The following STAU2 variants were observed in gnomAD, a reference collection of about 807,000 sequenced individuals.
STAU2 encodes double-stranded RNA-binding protein Staufen homolog 2.
Under a neutral mutation model 65.9 loss-of-function variants are expected in STAU2, and 20 were observed. The ratio of observed to expected loss-of-function variants is 0.30; its 90% CI spans 0.21 to 0.44. The LOEUF (loss-of-function observed/expected upper bound fraction) is 0.44, where lower values mean the gene tolerates loss of function less well. Ranked by LOEUF, STAU2 falls within the 20% of genes least tolerant of loss-of-function variation. The pLI, the probability that STAU2 is intolerant of heterozygous loss-of-function variation, is 1.00. For missense variants in STAU2, 558 were observed against 683.9 expected (o/e 0.82, Z 2.05); for synonymous variants, 232 against 233.9 (o/e 0.99, Z 0.07).
At chr8:73,592,373 T>C (rs1330281855) in intron 11 of STAU2, among the ~76,000 whole-genome samples, 1 of 152,140 alleles carries the variant, frequency 6.6e-6, no homozygotes, top group South Asian at 2.1e-4. Context: ...AATTTTATAC[T>C]AGTAAATTCA....
At chr8:73,523,642 T>C (rs1208238154) in intron 13 of STAU2, among the ~76,000 whole-genome samples, 2 of 152,150 alleles carry the variant, frequency 1.3e-5, no homozygotes, top group African/African-American at 4.8e-5. Flanking sequence ...CCTATAGTTT[T>C]GATTTTTCCA....
intron 12 of STAU2, among the ~76,000 whole-genome samples, chr8:73,576,521 C>T (rs1809568820): frequency 6.6e-6 from 1 of 151,930 alleles, no homozygotes; most frequent in Non-Finnish European, 1.5e-5. Context: ...GTGGCTACTT[C>T]TGCTGGGGGA....
At chr8:73,481,516 C>CAAAAAAAAAAAAAAAAAAAAA (rs33917654) in intron 13 of STAU2, among the ~76,000 whole-genome samples, 1 of 137,592 alleles carries the variant, frequency 7.3e-6, no homozygotes, top group Non-Finnish European at 1.5e-5. Flanking sequence ...AACAAAAAAA[C>CAAAAAAAAAAAAAAAAAAAAA]AAAAAAAAAA....
chr8:73,649,044 A>G (rs1815609417), intron 6 of STAU2, among the ~76,000 whole-genome samples: 1 of 152,166 alleles, frequency 6.6e-6, no homozygotes, highest in Non-Finnish European at 1.5e-5. Context: ...GGCCTCAAGC[A>G]ATCCTCCCAC....
At chr8:73,579,299 C>A (rs1041758698) in intron 12 of STAU2, among the ~76,000 whole-genome samples, 1 of 152,104 alleles carries the variant, frequency 6.6e-6, no homozygotes, top group Admixed American at 6.6e-5. Flanking sequence ...AAAAGGTTAA[C>A]GGAAAAATAT....
At chr8:73,589,822 A>G (rs1481192022) in intron 11 of STAU2, among the ~76,000 whole-genome samples, 1 of 152,168 alleles carries the variant, frequency 6.6e-6, no homozygotes, top group Non-Finnish European at 1.5e-5. Flanking sequence ...AACTGATTCC[A>G]TGACATCAAA....
intron 3 of STAU2, among the ~76,000 whole-genome samples, chr8:73,719,276 G>A (rs939844486): frequency 1.3e-5 from 2 of 151,970 alleles, no homozygotes; most frequent in African/African-American, 4.8e-5. Context: ...ATAGTGGCGG[G>A]TGTCTGTAGT....
At position 73,746,801 on chromosome 8, in the gene STAU2, T is replaced by C. The variant is rs1807322502; in HGVS notation, c.-215A>G. 4.1e-6 allele frequency: 5 copies of C among 1,230,492 alleles called. No individual in the cohort carries two copies. In the South Asian group the frequency reaches 2.1e-4, roughly 50 times the overall value. The allele number at this position is 1,230,492 out of a possible 1,614,324, so 76.2% of individuals were successfully genotyped here. A position where few individuals can be genotyped will look rare whatever the true frequency, so the allele number is the denominator to read the frequency against. The stretch of plus-strand genomic sequence containing the variant: ...TATTTACCTTCTTGCCGGGGACACT[T>C]TGCAGACGGCTCCAACATTGGCAAA... On this transcript the variant is annotated 5_prime_UTR_variant, in exon 1 of 15. Coordinates refer to ENST00000524300, the MANE Select transcript of STAU2 (RefSeq NM_001164380.2).
intron 13 of STAU2, among the ~76,000 whole-genome samples, chr8:73,443,863 A>AT (rs1818328547): frequency 6.6e-6 from 1 of 150,900 alleles, no homozygotes. Flanking sequence ...AAAAAAAAAA[A>AT]GTAGTGACTT....
chr8:73,692,566 T>C (rs1293207797), intron 4 of STAU2, among the ~76,000 whole-genome samples: 1 of 152,178 alleles, frequency 6.6e-6, no homozygotes, highest in Admixed American at 6.5e-5. Context: ...CTAGTAAATA[T>C]AAGTATGTGT....
chr8:73,428,097 G>A (rs2128880848), intron 13 of STAU2, among the ~76,000 whole-genome samples: 1 of 152,280 alleles, frequency 6.6e-6, no homozygotes, highest in East Asian at 1.9e-4. Flanking sequence ...ATCTGACTGA[G>A]ACTTTGTACC....
intron 13 of STAU2, among the ~76,000 whole-genome samples, chr8:73,537,096 A>T (rs1266384005): frequency 1.3e-5 from 2 of 152,258 alleles, no homozygotes; most frequent in Admixed American, 1.3e-4. Flanking sequence ...AATACAAGGT[A>T]ACTCAGTAGA....
At chr8:73,638,500 CTTTT>C (rs576967652) in intron 6 of STAU2, among the ~76,000 whole-genome samples, 1,735 of 133,732 alleles carry the variant, frequency 0.013, 29 homozygotes, top group African/African-American at 0.043. Flanking sequence ...TTGAAATATT[CTTTT>C]TTTTTTTTTT....
intron 11 of STAU2, among the ~76,000 whole-genome samples, chr8:73,592,139 G>C (rs1450790679): frequency 1.3e-5 from 2 of 151,262 alleles, no homozygotes; most frequent in African/African-American, 4.9e-5. Context: ...ACTGAAAATA[G>C]AAAAACAGAG....
chr8:73,588,125 T>C (rs1347712838), intron 11 of STAU2, among the ~76,000 whole-genome samples: 4 of 152,134 alleles, frequency 2.6e-5, no homozygotes, highest in Non-Finnish European at 5.9e-5. Context: ...AACATAACAA[T>C]GACAAACAGC....
intron 3 of STAU2, among the ~76,000 whole-genome samples, chr8:73,723,700 G>C (rs971271879): frequency 6.6e-6 from 1 of 152,046 alleles, no homozygotes; most frequent in East Asian, 1.9e-4. Context: ...TTTCATCACT[G>C]TAAGTCTGAT....
At chr8:73,743,944 G>T (rs576454505) in intron 1 of STAU2, among the ~76,000 whole-genome samples, 3 of 148,426 alleles carry the variant, frequency 2.0e-5, no homozygotes, top group African/African-American at 7.5e-5. Flanking sequence ...GCTAATTTTT[G>T]TATTTTTAGT....
chr8:73,527,924 T>C (rs1172780229), intron 13 of STAU2: 5 of 563,898 alleles, frequency 8.9e-6, no homozygotes, highest in Non-Finnish European at 1.6e-5. Context: ...AAAACCTTAT[T>C]GAACCCCTCC....
intron 13 of STAU2, among the ~76,000 whole-genome samples, chr8:73,529,084 T>A (rs529142002): frequency 1.3e-5 from 2 of 152,112 alleles, no homozygotes; most frequent in Admixed American, 6.6e-5. Context: ...ATTCCCAAAG[T>A]ACTATAAAGA....
Sources: allele counts gnomAD v4.1 joint callset (sites outside exome capture counted in the v4.1 genomes callset), GRCh38; gene constraint gnomAD v4.1.1; transcripts MANE v1.5; gene names NCBI Gene and HGNC (gene_info 2026-07-23, HGNC 2026-07-21).